Variants in DOCK8 observed in about 807,000 individuals in gnomAD.
The protein encoded by DOCK8 is dedicator of cytokinesis protein 8.
In DOCK8, 141 loss-of-function variants were observed where a neutral mutation model predicts 245.6. That is an observed-to-expected ratio of 0.57 (90% CI 0.50 to 0.66). The LOEUF (loss-of-function observed/expected upper bound fraction) is 0.66. DOCK8 is among the 30% of genes least tolerant of loss of function. DOCK8 has a pLI of 0.00. For synonymous variants in DOCK8, 1,168 were observed against 970.2 expected (o/e 1.20, Z -3.79); for missense variants, 2,965 against 2,603.4 (o/e 1.14, Z -3.02).
Position 418,306 on chromosome 9 carries a change from C to G in DOCK8, c.3840+99C>G, listed in dbSNP as rs1478128318. 3.3e-6 allele frequency: 5 copies of G among 1,510,106 alleles called. No individual in the cohort carries two copies. In the Admixed American group the frequency reaches 8.4e-5, roughly 25 times the overall value. 93.5% of individuals were successfully genotyped at this position (1,510,106 alleles called of 1,614,324 possible). On this transcript the variant is annotated intron_variant, in intron 30 of 47. Transcript: ENST00000432829. ...GTTTGTTTTGAGACAGAGTCTCACTCTGTTGCACAGGCTGGAGTGCAGTGG... is the reference window on the plus strand; with the variant it reads ...GTTTGTTTTGAGACAGAGTCTCACTGTGTTGCACAGGCTGGAGTGCAGTGG...
chr9:293,478 T>C (rs182400999), intron 4 of DOCK8, among the ~76,000 whole-genome samples: 306 of 152,356 alleles, frequency 2.0e-3, no homozygotes, highest in Non-Finnish European at 3.3e-3. Context: ...TGGTGATTCA[T>C]ATAAATGAAA....
At position 441,281 on chromosome 9, in the gene DOCK8, C is replaced by T. The variant is rs780576776; in HGVS notation, c.5224-5C>T. 1 of 1,614,154 alleles carries T rather than the reference C, an allele frequency of 6.2e-7. No homozygotes were observed. On this transcript the variant is annotated splice_polypyrimidine_tract_variant and splice_region_variant and intron_variant, in intron 40 of 47. Transcript: ENST00000432829. ...TCTCTCTGATGCTCTTCTCCTCTTTCCAAGGGAGGCTTATATGAGACAGTT... is the reference window on the plus strand; with the variant it reads ...TCTCTCTGATGCTCTTCTCCTCTTTTCAAGGGAGGCTTATATGAGACAGTT...
intron 4 of DOCK8, among the ~76,000 whole-genome samples, chr9:291,461 A>T (rs1286874537): frequency 6.6e-6 from 1 of 152,198 alleles, no homozygotes; most frequent in African/African-American, 2.4e-5. Context: ...ACTAAATAAG[A>T]TTATAATATC....
In DOCK8 at chr9:433,879, A is replaced by T. The variant is rs373454848; in HGVS notation, c.4790A>T (p.Glu1597Val). Residue 1597 changes from glutamate to valine, a missense_variant, in exon 38 of 48, where the codon GAG (glutamate) becomes GTG (valine). This residue lies in a region of DOCK8 where 2,825 missense variants were observed against 2,453.5 expected (regional missense o/e 1.15). Transcript: ENST00000432829. ...TGAGGCTTACACTTTTTGCAGGTGGAGGAACTTCTCTGTAATCTGAATAGC... is the reference window on the plus strand; with the variant it reads ...TGAGGCTTACACTTTTTGCAGGTGGTGGAACTTCTCTGTAATCTGAATAGC... ...MQMTPFPTQV[E>V]ELLCNLNSIL... 131 of 1,613,478 alleles carry T rather than the reference A, an allele frequency of 8.1e-5. No individual in the cohort carries two copies. The highest frequency in any genetic ancestry group is 1.1e-4 in the Non-Finnish European group (128 of 1,179,498).
intron 6 of DOCK8, 89 bp downstream of exon 6, chr9:312,255 C>T (rs751538601): frequency 3.7e-5 from 54 of 1,461,844 alleles, no homozygotes; most frequent in Non-Finnish European, 5.0e-5. Context: ...TACTATATAG[C>T]AGCCCATGGT....
chr9:248,723 T>C (rs187972759), intron 1 of DOCK8, among the ~76,000 whole-genome samples: 2 of 152,314 alleles, frequency 1.3e-5, no homozygotes, highest in African/African-American at 4.8e-5. Context: ...TCCTGTCCTA[T>C]TCACCAACAT....
intron 1 of DOCK8, among the ~76,000 whole-genome samples, chr9:224,228 C>T (rs1468966998): frequency 7.2e-5 from 11 of 152,136 alleles, no homozygotes; most frequent in Admixed American, 4.6e-4. Flanking sequence ...TAACCACTTA[C>T]TCATTTCCTG....
intron 28 of DOCK8, 107 bp from the exon 29 acceptor site, chr9:414,675 C>T (rs1586961895): frequency 1.4e-6 from 2 of 1,394,110 alleles, no homozygotes; most frequent in Non-Finnish European, 2.0e-6. Flanking sequence ...TTGGTTTTCA[C>T]AGTCACCTCA....
rs556860772 is a variant in DOCK8 at position 353,224 on chromosome 9, C to G, written c.1679+12903C>G. ...AGTTCTCCTACCTCCAAAACTCAGACAAGTCCTCTCTCTTGCCAAGTGCCT... is the reference window on the plus strand; with the variant it reads ...AGTTCTCCTACCTCCAAAACTCAGAGAAGTCCTCTCTCTTGCCAAGTGCCT... On this transcript the variant is annotated intron_variant, in intron 14 of 47. Transcript: ENST00000432829. Among the ~76,000 whole-genome samples, 8 of 152,300 alleles carry G rather than the reference C, an allele frequency of 5.3e-5. No individual in the cohort carries two copies. The South Asian group carries it at 1.7e-3, about 32-fold the overall frequency.
At chr9:334,423 C>T in intron 11 of DOCK8, 39 bp downstream of exon 11, 1 of 1,604,654 alleles carries the variant, frequency 6.2e-7, no homozygotes, top group South Asian at 1.1e-5. Flanking sequence ...GAGGGCTCCC[C>T]AGTGTGCGCT....
At chr9:286,341 A>G in intron 2 of DOCK8, 120 bp from the exon 3 acceptor site, 1 of 1,140,370 alleles carries the variant, frequency 8.8e-7, no homozygotes, top group African/African-American at 1.5e-5. Flanking sequence ...GCTCCGTTTT[A>G]TGCCAGGAGC....
At position 441,843 on chromosome 9, in the gene DOCK8, CTAAGGAGAGCTTT is replaced by C; in HGVS notation, c.5356-30_5356-18del. Reference sequence around the variant, plus strand: ...TCAGTGGCTCCTCAGGATGACATAACTAAGGAGAGCTTTTTATATTTTGTTCCTCAGGATCATA... The same window carrying C: ...TCAGTGGCTCCTCAGGATGACATAACTTATATTTTGTTCCTCAGGATCATA... On this transcript the variant is annotated intron_variant, in intron 41 of 47. Coordinates refer to ENST00000432829, the MANE Select transcript of DOCK8 (RefSeq NM_203447.4). 1.2e-6 allele frequency: 2 copies of C among 1,613,984 alleles called. No homozygotes were observed. The highest frequency in any genetic ancestry group is 1.7e-6 in the Non-Finnish European group (2 of 1,179,972).
At chr9:446,030 T>G (rs2057244337) in intron 43 of DOCK8, among the ~76,000 whole-genome samples, 2 of 152,248 alleles carry the variant, frequency 1.3e-5, no homozygotes, top group Non-Finnish European at 2.9e-5. Context: ...AGGTAGTCAT[T>G]GTCATTCTGT....
At chr9:225,312 G>C (rs2046968020) in intron 1 of DOCK8, among the ~76,000 whole-genome samples, 1 of 152,188 alleles carries the variant, frequency 6.6e-6, no homozygotes, top group Non-Finnish European at 1.5e-5. Flanking sequence ...CCTCTGAGGA[G>C]ATGAGTCTCA....
rs141137859 is a variant in DOCK8 at position 272,985 on chromosome 9, T to G, written c.156+1256T>G. The G allele has an allele frequency of 3.1e-6, 3 of 963,104 alleles. No individual in the cohort carries two copies. In the African/African-American group the frequency reaches 5.3e-5, roughly 17 times the overall value. The allele number at this position is 963,104 out of a possible 1,614,324, so 59.7% of individuals were successfully genotyped here. ...TTAGGTTACTTTTTGTTTCTACTTA[T>G]TACTTCGAAACCACTTCTGCCTTAG... is the stretch of plus-strand genomic sequence containing the variant. On this transcript the variant is annotated intron_variant, in intron 2 of 47. Coordinates refer to ENST00000432829, the MANE Select transcript of DOCK8 (RefSeq NM_203447.4).
intron 39 of DOCK8, among the ~76,000 whole-genome samples, chr9:435,951 G>C (rs1219156760): frequency 2.6e-5 from 4 of 152,174 alleles, no homozygotes; most frequent in Non-Finnish European, 5.9e-5. Flanking sequence ...ATTTACAAGG[G>C]TTTGTATTAT....
chr9:216,382 A>G (rs1014912008), intron 1 of DOCK8, among the ~76,000 whole-genome samples: 2 of 151,906 alleles, frequency 1.3e-5, no homozygotes, highest in Non-Finnish European at 2.9e-5. Context: ...AATAATTTTA[A>G]AACATTAGCC....
intron 14 of DOCK8, among the ~76,000 whole-genome samples, chr9:348,380 A>G (rs112337858): frequency 1.3e-5 from 2 of 152,326 alleles, no homozygotes; most frequent in South Asian, 4.1e-4. Context: ...TCACAACTCC[A>G]TACCACTCTC....
intron 26 of DOCK8, among the ~76,000 whole-genome samples, chr9:400,106 C>T (rs56104211): frequency 1.7e-5 from 2 of 117,162 alleles, no homozygotes; most frequent in Non-Finnish European, 3.3e-5. Context: ...ACCACCACCA[C>T]CTCCACCACC....
Sources: allele counts gnomAD v4.1 joint callset (sites outside exome capture counted in the v4.1 genomes callset), GRCh38; gene constraint gnomAD v4.1.1; regional missense constraint gnomAD v4.1.1; transcripts MANE v1.5; gene names NCBI Gene and HGNC (gene_info 2026-07-23, HGNC 2026-07-21).